SLC39A8: variants seen among roughly 807,000 people sequenced by gnomAD.
The protein encoded by SLC39A8 is solute carrier family 39 member 8, also known as metal cation symporter ZIP8.
SLC39A8 carries 15 observed loss-of-function variants against 40.4 expected under a neutral mutation model. The observed-to-expected ratio is 0.37, with a 90% confidence interval of 0.25 to 0.57. The LOEUF (loss-of-function observed/expected upper bound fraction) is 0.57, where lower values mean the gene tolerates loss of function less well. SLC39A8 is among the 20% of genes least tolerant of loss of function. The pLI is 0.75. For missense variants in SLC39A8, 472 were observed against 558.8 expected, an observed-to-expected ratio of 0.84 and a Z score of 1.57; for synonymous variants, 223 against 221.6, an observed-to-expected ratio of 1.01 and a Z score of -0.06.
chr4:102,333,449 A>T (rs1051818082), intron 2 of SLC39A8, among the ~76,000 whole-genome samples: 2 of 152,198 alleles, frequency 1.3e-5, no homozygotes, highest in Admixed American at 1.3e-4. Flanking sequence ...ATAAGTTATT[A>T]TGACAAGACT....
At chr4:102,280,907 T>C (rs958844822) in intron 6 of SLC39A8, among the ~76,000 whole-genome samples, 3 of 152,218 alleles carry the variant, frequency 2.0e-5, no homozygotes, top group African/African-American at 7.2e-5. Flanking sequence ...TTTGGGACCA[T>C]AGCATTTTTA....
At chr4:102,268,201 A>G (rs1465653176) in intron 6 of SLC39A8, 122 bp from the exon 7 acceptor site, 1 of 927,386 alleles carries the variant, frequency 1.1e-6, no homozygotes, top group African/African-American at 1.6e-5. Flanking sequence ...CTTTTAGAGT[A>G]ACTAGGAAAC....
At chr4:102,260,189 G>A (rs1308026447), downstream of SLC39A8, among the ~76,000 whole-genome samples, 1 of 152,216 alleles carries the variant, frequency 6.6e-6, no homozygotes, top group East Asian at 1.9e-4. Flanking sequence ...TAAACTGGCT[G>A]CATAAGAACC....
intron 6 of SLC39A8, among the ~76,000 whole-genome samples, chr4:102,288,130 C>A (rs1210736760): frequency 2.6e-5 from 4 of 152,108 alleles, no homozygotes; most frequent in South Asian, 2.1e-4. Flanking sequence ...CTGCATTGAG[C>A]AAGTCTATCA....
Position 102,315,537 on chromosome 4 carries a change from A to G in SLC39A8, c.382+131T>C, listed in dbSNP as rs543362631. 6.7e-4 allele frequency: 437 copies of G among 655,436 alleles called. 8 individuals are homozygous for G. The South Asian group carries it at 0.021, about 31-fold the overall frequency. 40.6% of individuals were successfully genotyped at this position (655,436 alleles called of 1,614,324 possible). On this transcript the variant is annotated intron_variant, in intron 3 of 8. Coordinates refer to ENST00000356736, the MANE Select transcript of SLC39A8 (RefSeq NM_001135146.2). The stretch of plus-strand genomic sequence containing the variant: ...TTCTTATTCCAAATACTTTCAAAAT[A>G]TAAGTATTATTCGAAGAAGTTCTAT...
At chr4:102,306,227 TTA>T (rs1734166901) in intron 4 of SLC39A8, among the ~76,000 whole-genome samples, 1 of 151,934 alleles carries the variant, frequency 6.6e-6, no homozygotes, top group Non-Finnish European at 1.5e-5. Context: ...ACATACAGTA[TTA>T]GTTTGTTTAA....
intron 6 of SLC39A8, among the ~76,000 whole-genome samples, chr4:102,297,161 T>G (rs1233400326): frequency 6.6e-6 from 1 of 152,138 alleles, no homozygotes; most frequent in Non-Finnish European, 1.5e-5. Flanking sequence ...GTAGTGAGTT[T>G]AGAAACTGTA....
intron 6 of SLC39A8, among the ~76,000 whole-genome samples, chr4:102,277,075 G>A (rs1176686451): frequency 6.6e-6 from 1 of 152,116 alleles, no homozygotes; most frequent in Non-Finnish European, 1.5e-5. Context: ...TTGAAAACCA[G>A]CACAAGACAA....
chr4:102,268,026 T>C lies in SLC39A8; in HGVS notation c.894A>G (p.Ser298=), dbSNP rs1201543142. ...SCTCLKGPKL[S]EIGTIAWMIT... is the part of the protein sequence containing the mutation. The stretch of plus-strand genomic sequence containing the variant: ...TCATCCAGGCAATCGTCCCTATTTC[T>C]GACAGTTTGGGCCCCTTCAAACAGG... The change falls in exon 7 of 9, where the codon TCA becomes TCG. Residue 298 remains serine (S), a synonymous_variant. Transcript: ENST00000356736. 1.2e-6 allele frequency: 2 copies of C among 1,614,118 alleles called. No homozygotes were observed. The highest frequency in any genetic ancestry group is 2.7e-5 in the African/African-American group (2 of 74,940).
chr4:102,299,563 AC>A (rs1733827667), intron 6 of SLC39A8, among the ~76,000 whole-genome samples: 2 of 152,034 alleles, frequency 1.3e-5, no homozygotes, highest in African/African-American at 4.8e-5. Context: ...TGGAGGCCCA[AC>A]CACCTCAAAA....
intron 2 of SLC39A8, among the ~76,000 whole-genome samples, chr4:102,325,235 CTA>C (rs1242997016): frequency 1.3e-5 from 2 of 152,166 alleles, no homozygotes; most frequent in African/African-American, 4.8e-5. Flanking sequence ...CAAGAACACT[CTA>C]TAAAAATAAT....
chr4:102,333,777 A>G lies in SLC39A8; in HGVS notation c.219+10667T>C, dbSNP rs191407722. Among the ~76,000 whole-genome samples the G allele has an allele frequency of 2.0e-5, 3 of 152,324 alleles. No individual in the cohort carries two copies. The East Asian group carries it at 5.8e-4, about 29-fold the overall frequency. On this transcript the variant is annotated intron_variant, in intron 2 of 8. Transcript: ENST00000356736. ...TCTACAGATAGATAATCACAGCCAT[A>G]TGAGTCCTTGAAGATATACAGAAAG...
In SLC39A8 at chr4:102,300,515, C is replaced by T. The variant is rs552281254; in HGVS notation, c.840+3802G>A. Among the ~76,000 whole-genome samples, 183 of 152,074 alleles carry T rather than the reference C, an allele frequency of 1.2e-3. 2 individuals carry two copies. Among genetic ancestry groups the T allele is most frequent in the African/African-American group, 4.4e-3 (182 of 41,528 alleles). ...TGTCTTTGTTCTTTCTACATTTCAG[C>T]AAGATCAAAAATTATGCTTTTATAA... On this transcript the variant is annotated intron_variant, in intron 6 of 8. Coordinates refer to ENST00000356736, the MANE Select transcript of SLC39A8 (RefSeq NM_001135146.2).
At chr4:102,254,131 T>A (rs915894783) in intron 11 of SLC39A8, among the ~76,000 whole-genome samples, 1 of 152,182 alleles carries the variant, frequency 6.6e-6, no homozygotes, top group Non-Finnish European at 1.5e-5. Context: ...AAATGTTTCC[T>A]CCTTTGTGAA....
At chr4:102,335,118 C>T (rs1198208449) in intron 2 of SLC39A8, among the ~76,000 whole-genome samples, 1 of 152,054 alleles carries the variant, frequency 6.6e-6, no homozygotes. Context: ...GTGAAGTAAC[C>T]GAATAATATA....
chr4:102,298,294 A>C (rs551930034), intron 6 of SLC39A8, among the ~76,000 whole-genome samples: 1 of 152,140 alleles, frequency 6.6e-6, no homozygotes, highest in South Asian at 2.1e-4. Flanking sequence ...CATAGAGTAA[A>C]GCCAGATAAA....
chr4:102,343,051 T>C (rs961102518), intron 2 of SLC39A8, among the ~76,000 whole-genome samples: 4 of 152,226 alleles, frequency 2.6e-5, no homozygotes, highest in African/African-American at 9.6e-5. Flanking sequence ...AATATTAGCA[T>C]AATTTGTGGG....
intron 2 of SLC39A8, among the ~76,000 whole-genome samples, chr4:102,320,886 C>A (rs1430074536): frequency 6.6e-6 from 1 of 151,256 alleles, no homozygotes; most frequent in African/African-American, 2.4e-5. Flanking sequence ...TTTACCACTT[C>A]GACTGCTGTT....
In SLC39A8 at chr4:102,272,363, C is replaced by T. The variant is rs562095050; in HGVS notation, c.841-4284G>A. On this transcript the variant is annotated intron_variant, in intron 6 of 8. Coordinates refer to ENST00000356736, the MANE Select transcript of SLC39A8 (RefSeq NM_001135146.2). ...CTGAGGCAGGAGGATGGTGTGAACC[C>T]GGGAGACAGAGCTTGCAGTGAGCCG... Among the ~76,000 whole-genome samples, 124 of 151,400 alleles carry T rather than the reference C, an allele frequency of 8.2e-4. 3 individuals are homozygous for T. The highest frequency in any genetic ancestry group is 3.0e-3 in the Admixed American group (45 of 15,218).
Sources: gnomAD v4.1 joint callset for allele counts (sites outside exome capture counted in the v4.1 genomes callset) on GRCh38, gnomAD v4.1.1 for gene constraint, MANE v1.5 for transcripts, NCBI Gene and HGNC (gene_info 2026-07-23, HGNC 2026-07-21) for gene names.